CIZ1: variants seen among roughly 807,000 people sequenced by gnomAD.
The protein encoded by CIZ1 is CDKN1A interacting zinc finger protein 1.
A neutral mutation model predicts 118.6 loss-of-function variants in CIZ1; 58 were observed. That is an observed-to-expected ratio of 0.49 (90% CI 0.40 to 0.61). The LOEUF (loss-of-function observed/expected upper bound fraction) is 0.61, where lower values mean the gene tolerates loss of function less well. Among genes scored for constraint, CIZ1 ranks in the 20% least tolerant of loss-of-function variants. The pLI is 0.00. For missense variants in CIZ1, 921 were observed against 1,115.9 expected, an observed-to-expected ratio of 0.83 and a Z score of 2.49; for synonymous variants, 448 against 443.4, an observed-to-expected ratio of 1.01 and a Z score of -0.13.
chr9:128,180,662 G>T lies in CIZ1; in HGVS notation c.682+59C>A. On this transcript the variant is annotated intron_variant, in intron 6 of 16. Transcript: ENST00000372938. Reference sequence around the variant, plus strand: ...ACCTGCCTCTATCACCTGCTGACCCGCCCACTGGCCCCACCCCATTCATGT... The same window carrying T: ...ACCTGCCTCTATCACCTGCTGACCCTCCCACTGGCCCCACCCCATTCATGT... 4 of 1,396,256 alleles carry T rather than the reference G, an allele frequency of 2.9e-6. No individual in the cohort carries two copies. The East Asian group carries it at 6.9e-5, about 24-fold the overall frequency. 86.5% of individuals were successfully genotyped at this position (1,396,256 alleles called of 1,614,324 possible).
upstream of CIZ1, among the ~76,000 whole-genome samples, chr9:128,196,066 C>A (rs1050233359): frequency 2.6e-5 from 4 of 151,952 alleles, no homozygotes; most frequent in Non-Finnish European, 5.9e-5. Flanking sequence ...GGGGTTTTAC[C>A]ATGTTGTCCA....
At chr9:128,192,163 G>C (rs1833217365), upstream of CIZ1, among the ~76,000 whole-genome samples, 1 of 152,140 alleles carries the variant, frequency 6.6e-6, no homozygotes, top group African/African-American at 2.4e-5. Flanking sequence ...GCCGAGGCTG[G>C]AGGATCAAGA....
upstream of CIZ1, among the ~76,000 whole-genome samples, chr9:128,195,600 G>T (rs527784987): frequency 6.6e-6 from 1 of 152,094 alleles, no homozygotes; most frequent in Admixed American, 6.5e-5. Context: ...TTACAAGCGT[G>T]AGCCTCCATG....
At position 128,176,286 on chromosome 9, in the gene CIZ1, A is replaced by G. The variant is rs1830834637; in HGVS notation, c.1943+65T>C. On this transcript the variant is annotated intron_variant, in intron 11 of 16. Coordinates refer to ENST00000372938, the MANE Select transcript of CIZ1 (RefSeq NM_001131016.2). ...CAAAGGTAAACCCTGCAGATGGTAGATTCAGGCCCTGGCCGATGAGACTGC... is the reference window on the plus strand; with the variant it reads ...CAAAGGTAAACCCTGCAGATGGTAGGTTCAGGCCCTGGCCGATGAGACTGC... The G allele has an allele frequency of 7.6e-6, 12 of 1,586,398 alleles. No homozygotes were observed. In the South Asian group the frequency reaches 9.2e-5, roughly 12 times the overall value.
chr9:128,195,636 C>T (rs1833358677), upstream of CIZ1, among the ~76,000 whole-genome samples: 1 of 151,784 alleles, frequency 6.6e-6, no homozygotes, highest in Non-Finnish European at 1.5e-5. Context: ...CTATTCTGCT[C>T]CAGGACTTTA....
chr9:128,187,833 TTATA>T, intron 4 of CIZ1, 26 bp downstream of exon 4: 1 of 574,174 alleles, frequency 1.7e-6, no homozygotes, highest in Non-Finnish European at 3.2e-6. Context: ...ATATATACAT[TTATA>T]TATATATATA....
At position 128,185,672 on chromosome 9, in the gene CIZ1, T is replaced by C; in HGVS notation, c.463A>G (p.Thr155Ala). The change falls in exon 5 of 17, where the codon ACT becomes GCT. Residue 155 changes from threonine to alanine, a missense_variant. Thr to Ala is a moderately conservative substitution (Grantham distance 58). Coordinates refer to ENST00000372938, the MANE Select transcript of CIZ1 (RefSeq NM_001131016.2). ...GGAGGTCCCAGCAAGGACTGGCGAGTGGCCTGGGGAAAGAACTGTTGCAAA... is the reference window on the plus strand; with the variant it reads ...GGAGGTCCCAGCAAGGACTGGCGAGCGGCCTGGGGAAAGAACTGTTGCAAA... ...PNLQQFFPQA[T>A]RQSLLGPPPV... is the part of the protein sequence containing the mutation. 1 of 1,601,438 alleles carries C rather than the reference T, an allele frequency of 6.2e-7. No individual in the cohort carries two copies. Among genetic ancestry groups the C allele is most frequent in the Non-Finnish European group, 8.5e-7 (1 of 1,173,242 alleles).
chr9:128,170,081 T>C lies in CIZ1; in HGVS notation c.1970A>G (p.Asn657Ser). The C allele has an allele frequency of 1.2e-6, 2 of 1,613,320 alleles. No individual in the cohort carries two copies. The highest frequency in any genetic ancestry group is 1.7e-6 in the Non-Finnish European group (2 of 1,179,786). ...CCCCATGTAGTAGAGCTGGCAGGTG[T>C]TGCACCAGCGCCTTGGTGGAGGCTC... ...DEEPPPRRWC[N>S]TCQLYYMGDL... The change falls in exon 12 of 17, where the codon AAC becomes AGC. Residue 657 changes from asparagine (N) to serine (S), a missense_variant. Coordinates refer to ENST00000372938, the MANE Select transcript of CIZ1 (RefSeq NM_001131016.2).
upstream of CIZ1, chr9:128,191,632 G>T (rs1192437260): frequency 1.4e-5 from 17 of 1,222,584 alleles, no homozygotes; most frequent in East Asian, 5.6e-4. This position sits in a 1 kb window ranked among gnomAD's most constrained non-coding sequence, Gnocchi z 5.5. Flanking sequence ...AGGTCCAGGC[G>T]CCTCCGGCCG....
chr9:128,168,904 G>T, intron 14 of CIZ1, 148 bp downstream of exon 14: 1 of 1,110,058 alleles, frequency 9.0e-7, no homozygotes, highest in Non-Finnish European at 1.3e-6. Flanking sequence ...ACATAGTCAT[G>T]CAGAAGGCAG....
rs1425726003 is a variant in CIZ1, at chr9:128,190,421, T to A, written c.194A>T (p.Gln65Leu). Residue 65 changes from glutamine (Q) to leucine (L), a missense_variant, in exon 3 of 17, where the codon CAG becomes CTG. Physicochemically the swap from Gln to Leu is moderately radical, Grantham distance 113. Transcript: ENST00000372938. ...VSRGLPPQQPQQPLLNLQGTN... is the reference protein window; with the variant it reads ...VSRGLPPQQPLQPLLNLQGTN... ...GCCCTGGAGATTCAGAAGCGGCTGC[T>A]GTGGCTGCTGCGGGGGGAGCCCCCT... is the stretch of plus-strand genomic sequence containing the variant. 7.4e-6 allele frequency: 12 copies of A among 1,613,422 alleles called. No homozygotes were observed. Among genetic ancestry groups the A allele is most frequent in the African/African-American group, 2.7e-5 (2 of 74,920 alleles).
chr9:128,196,102 G>C (rs1833371709), upstream of CIZ1, among the ~76,000 whole-genome samples: 1 of 151,738 alleles, frequency 6.6e-6, no homozygotes, highest in African/African-American at 2.4e-5. Flanking sequence ...CCTGACTTCA[G>C]ATGATCCACC....
rs1455773544 is a variant in CIZ1, at chr9:128,169,531, C to T, written c.2032-12G>A. On this transcript the variant is annotated splice_polypyrimidine_tract_variant and intron_variant, in intron 12 of 16. Coordinates refer to ENST00000372938, the MANE Select transcript of CIZ1 (RefSeq NM_001131016.2). Reference sequence around the variant, plus strand: ...GATTGTTTGGCAATCTGGAAAAAGGCAGGCCAACCAAGCAGTGTCCCCAGC... The same window carrying T: ...GATTGTTTGGCAATCTGGAAAAAGGTAGGCCAACCAAGCAGTGTCCCCAGC... 3.7e-6 allele frequency: 6 copies of T among 1,613,372 alleles called. No individual in the cohort carries two copies. Among genetic ancestry groups the T allele is most frequent in the Non-Finnish European group, 5.1e-6 (6 of 1,179,512 alleles).
chr9:128,174,362 T>C (rs942663920), intron 11 of CIZ1, among the ~76,000 whole-genome samples: 1 of 152,160 alleles, frequency 6.6e-6, no homozygotes, highest in Admixed American at 6.5e-5. Flanking sequence ...CTGCCCTTCC[T>C]TGGAAGTCAC....
At position 128,203,482 on chromosome 9, in the gene CIZ1, C is replaced by A; in HGVS notation, c.-6+704G>T. 1.3e-6 allele frequency: 2 copies of A among 1,516,768 alleles called. No individual in the cohort carries two copies. Among genetic ancestry groups the A allele is most frequent in the Non-Finnish European group, 1.8e-6 (2 of 1,135,218 alleles). 94.0% of individuals were successfully genotyped at this position (1,516,768 alleles called of 1,614,324 possible). A position where few individuals can be genotyped will look rare whatever the true frequency, so the allele number is the denominator to read the frequency against. ...GGCCCGCCGCAGCCATGGGCAACCGCGGCATGGAAGATCTCATCCCGCTGG... is the reference window on the plus strand; with the variant it reads ...GGCCCGCCGCAGCCATGGGCAACCGAGGCATGGAAGATCTCATCCCGCTGG... On this transcript the variant is annotated intron_variant, in intron 1 of 17. Coordinates refer to the CIZ1 transcript ENST00000372948. This position sits in a 1 kb window ranked among gnomAD's most constrained non-coding sequence, Gnocchi z 5.3.
At position 128,177,551 on chromosome 9, in the gene CIZ1, C is replaced by T; in HGVS notation, c.1818+15G>A. 1 of 374,560 alleles carries T rather than the reference C, an allele frequency of 2.7e-6. No individual in the cohort carries two copies. The highest frequency in any genetic ancestry group is 5.5e-6 in the Non-Finnish European group (1 of 182,884). 23.2% of individuals were successfully genotyped at this position (374,560 alleles called of 1,614,324 possible). ...AGGCCCCACCCCTCCCCACCCTTAT[C>T]TCCTGTATCAGTACCTGCTGGCTGG... On this transcript the variant is annotated intron_variant, in intron 10 of 16. Transcript: ENST00000372938.
rs1428018935 is a variant in CIZ1 at position 128,169,483 on chromosome 9, A to G, written c.2068T>C (p.Cys690Arg). The G allele has an allele frequency of 6.2e-7, 1 of 1,614,110 alleles. No homozygotes were observed. Among genetic ancestry groups the G allele is most frequent in the Non-Finnish European group, 8.5e-7 (1 of 1,180,046 alleles). ...KQSLRPFCTV[C>R]NRYFKTPRKF... is the part of the protein sequence containing the mutation. ...CGAGGGGTTTTGAAGTAGCGGTTGCAAACGGTGCAGAAGGGTCGCAAGGAT... is the reference window on the plus strand; with the variant it reads ...CGAGGGGTTTTGAAGTAGCGGTTGCGAACGGTGCAGAAGGGTCGCAAGGAT... Residue 690 changes from cysteine (C) to arginine (R), a missense_variant, in exon 13 of 17, where the codon TGC becomes CGC. By Grantham distance (180) the Cys-to-Arg change is radical. Transcript: ENST00000372938.
chr9:128,179,381 G>A lies in CIZ1; in HGVS notation c.826C>T (p.Gln276Ter). 1 of 1,608,450 alleles carries A rather than the reference G, an allele frequency of 6.2e-7. No individual in the cohort carries two copies. Among genetic ancestry groups the A allele is most frequent in the Non-Finnish European group, 8.5e-7 (1 of 1,177,992 alleles). Residue 276 changes from glutamine (Q) to a stop codon, truncating the protein, a stop_gained, in exon 8 of 17, where the codon CAG becomes TAG. Transcript: ENST00000372938. LOFTEE classifies it high-confidence loss of function. ...EEPTEKEPPGQLQVKAQPQAR... is the reference protein window; with the variant it reads ...EEPTEKEPPG ...TGCGGCTGGGCCTTCACCTGTAACT[G>A]CCCTGGAGGTTCCTTCTCTGTGGGC...
At chr9:128,183,085 G>T (rs1473601081) in intron 5 of CIZ1, among the ~76,000 whole-genome samples, 1 of 152,136 alleles carries the variant, frequency 6.6e-6, no homozygotes, top group East Asian at 1.9e-4. Context: ...TGAACACACA[G>T]CTCTCTCTGG....
Sources: allele counts gnomAD v4.1 joint callset (sites outside exome capture counted in the v4.1 genomes callset), GRCh38; gene constraint gnomAD v4.1.1; non-coding constraint Gnocchi (gnomAD v3.1); transcripts MANE v1.5; gene names NCBI Gene and HGNC (gene_info 2026-07-23, HGNC 2026-07-21).